SLC38A10: variants seen among roughly 807,000 people sequenced by gnomAD.
The protein encoded by SLC38A10 is solute carrier family 38 member 10.
Under a neutral mutation model 81.0 loss-of-function variants are expected in SLC38A10, and 53 were observed. The ratio of observed to expected loss-of-function variants is 0.65; its 90% CI spans 0.53 to 0.82. The LOEUF is 0.82. Ranked by LOEUF, SLC38A10 falls within the 40% of genes least tolerant of loss-of-function variation. SLC38A10 has a pLI of 0.00. For synonymous variants in SLC38A10, 665 were observed against 655.3 expected, an observed-to-expected ratio of 1.01 and a Z score of -0.23; for missense variants, 1,471 against 1,545.0, an observed-to-expected ratio of 0.95 and a Z score of 0.80.
Position 81,284,789 on chromosome 17 carries a change from A to C in SLC38A10, c.263+61T>G, listed in dbSNP as rs551727473. The C allele has an allele frequency of 2.2e-5, 25 of 1,158,736 alleles. No individual in the cohort carries two copies. The South Asian group carries it at 3.4e-4, about 16-fold the overall frequency. 71.8% of individuals were successfully genotyped at this position (1,158,736 alleles called of 1,614,324 possible). Reference sequence around the variant, plus strand: ...GGATGAAACTGCCGCTCCCACCGGGAGGGTCCCCAGTGTCTGGGTGCGGGG... The same window carrying C: ...GGATGAAACTGCCGCTCCCACCGGGCGGGTCCCCAGTGTCTGGGTGCGGGG... On this transcript the variant is annotated intron_variant, in intron 3 of 15. Transcript: ENST00000374759.
intron 13 of SLC38A10, 27 bp downstream of exon 13, chr17:81,252,168 C>T: frequency 6.7e-7 from 1 of 1,494,512 alleles, no homozygotes; most frequent in Non-Finnish European, 8.9e-7. Context: ...GGAGTGTCTT[C>T]CGACACGAGC....
rs117908310 is a variant in SLC38A10, at chr17:81,273,063, A to G, written c.913-436T>C. ...TCAGGGTGCAGGCAGAACCCCCCCA[A>G]ACACACGCACACATGGCCGTGTTAT... On this transcript the variant is annotated intron_variant, in intron 8 of 15. Transcript: ENST00000374759. Among the ~76,000 whole-genome samples the G allele has an allele frequency of 1.6e-3, 236 of 152,238 alleles. 4 individuals carry two copies. The East Asian group carries it at 0.035, about 22-fold the overall frequency.
At chr17:81,271,481 C>T (rs757892037) in intron 9 of SLC38A10, among the ~76,000 whole-genome samples, 45 of 152,158 alleles carry the variant, frequency 3.0e-4, no homozygotes, top group Non-Finnish European at 5.4e-4. Context: ...AGAGTGCGTG[C>T]GAGTTCCCCT....
At position 81,245,932 on chromosome 17, in the gene SLC38A10, G is replaced by A; in HGVS notation, c.2984C>T (p.Pro995Leu). The part of the protein sequence containing the change: ...MRKARGGDHV[P>L]VSHEQPRGGE... Reference sequence around the variant, plus strand: ...GCCTCTCGGCTGCTCGTGGGACACAGGCACATGGTCCCCCCCGCGGGCCTT... The same window carrying A: ...GCCTCTCGGCTGCTCGTGGGACACAAGCACATGGTCCCCCCCGCGGGCCTT... Residue 995 changes from proline (P) to leucine (L), a missense_variant, in exon 16 of 16, where the codon CCT (proline) becomes CTT (leucine). By Grantham distance (98) the Pro-to-Leu change is moderately conservative (BLOSUM62 -3). This residue lies in a region of SLC38A10 where 751 missense variants were observed against 717.4 expected (regional missense o/e 1.05). Transcript: ENST00000374759. 1 of 1,609,990 alleles carries A rather than the reference G, an allele frequency of 6.2e-7. No homozygotes were observed.
At position 81,260,259 on chromosome 17, in the gene SLC38A10, C is replaced by T. The variant is rs79725019; in HGVS notation, c.1267G>A (p.Val423Met). Reference sequence around the variant, plus strand: ...ATACCTGAGAGCCGCGCTGCCTCCACCTTCATCAAACCCTCGGCCTCTCCA... The same window carrying T: ...ATACCTGAGAGCCGCGCTGCCTCCATCTTCATCAAACCCTCGGCCTCTCCA... ...RLGEAEGLMK[V>M]EAARLSAQDP... The change falls in exon 11 of 16, where the codon GTG becomes ATG. Residue 423 changes from valine (V) to methionine (M), a missense_variant. Physicochemically the swap from Val to Met is conservative, Grantham distance 21. Transcript: ENST00000374759. The T allele has an allele frequency of 1.3e-3, 2,096 of 1,605,438 alleles. 32 individuals are homozygous for T. In the African/African-American group the frequency reaches 0.025, roughly 19 times the overall value.
In SLC38A10 at chr17:81,265,128, C is replaced by A. The variant is rs147373610; in HGVS notation, c.1132-4734G>T. The stretch of plus-strand genomic sequence containing the variant: ...GGGCGTGGTGGCTCACACCTATAAT[C>A]CCAGCACTTTGGGAGGCCAAGGCGA... On this transcript the variant is annotated intron_variant, in intron 10 of 15. Transcript: ENST00000374759. The surrounding 1 kb of genome is among the most constrained non-coding windows in gnomAD (Gnocchi z 4.2). 6.6e-6 allele frequency: 1 copy of A among 152,362 alleles called. No individual in the cohort carries two copies. Among genetic ancestry groups the A allele is most frequent in the Non-Finnish European group, 1.5e-5 (1 of 68,142 alleles). 9.4% of individuals were successfully genotyped at this position (152,362 alleles called of 1,614,324 possible). A position where few individuals can be genotyped will look rare whatever the true frequency, so the allele number is the denominator to read the frequency against.
intron 13 of SLC38A10, 49 bp from the exon 14 acceptor site, chr17:81,251,661 G>C: frequency 2.1e-6 from 3 of 1,456,684 alleles, no homozygotes; most frequent in Non-Finnish European, 2.7e-6. Flanking sequence ...AGTCAAGGGA[G>C]GGTTTGGGGG....
Position 81,283,883 on chromosome 17 carries a change from T to C in SLC38A10, c.264-381A>G, listed in dbSNP as rs2063239336. On this transcript the variant is annotated intron_variant, in intron 3 of 15. Transcript: ENST00000374759. This position sits in a 1 kb window ranked among gnomAD's most constrained non-coding sequence, Gnocchi z 4.7. ...CCTCAGCCTCCCAAAGTGCTGGGATTACAGGCGTGAGCCACTGTGCCTGGC... is the reference window on the plus strand; with the variant it reads ...CCTCAGCCTCCCAAAGTGCTGGGATCACAGGCGTGAGCCACTGTGCCTGGC... 6.6e-6 allele frequency among the ~76,000 whole-genome samples: 1 copy of C among 150,954 alleles called. No individual in the cohort carries two copies. Among genetic ancestry groups the C allele is most frequent in the African/African-American group, 2.4e-5 (1 of 41,108 alleles).
chr17:81,247,104 T>A, intron 14 of SLC38A10, 43 bp from the exon 15 acceptor site: 1 of 1,540,042 alleles, frequency 6.5e-7, no homozygotes. Context: ...GGGCTGCTCA[T>A]GCACCGTGCT....
chr17:81,250,554 G>A (rs753156835), intron 14 of SLC38A10, among the ~76,000 whole-genome samples: 20 of 152,354 alleles, frequency 1.3e-4, no homozygotes, highest in African/African-American at 4.1e-4. Context: ...AGGCTGGAGC[G>A]GCTGTGCCCT....
intron 11 of SLC38A10, among the ~76,000 whole-genome samples, chr17:81,258,394 C>T (rs368032976): frequency 2.6e-5 from 4 of 152,260 alleles, no homozygotes; most frequent in East Asian, 1.9e-4. Flanking sequence ...GTTACAGCCT[C>T]GTGGAAGAAA....
rs188384145 is a variant in SLC38A10 at position 81,281,729 on chromosome 17, T to C, written c.501+460A>G. 2.7e-3 allele frequency among the ~76,000 whole-genome samples: 406 copies of C among 152,138 alleles called. 3 individuals are homozygous for C. Among genetic ancestry groups the C allele is most frequent in the African/African-American group, 9.1e-3 (378 of 41,478 alleles). ...AGATGGAGGTTGCAGTGAGCCGAGA[T>C]TGCGCCACTGCACTCCAGCCTGGGC... On this transcript the variant is annotated intron_variant, in intron 5 of 15. Transcript: ENST00000374759. This position sits in a 1 kb window ranked among gnomAD's most constrained non-coding sequence, Gnocchi z 5.3.
chr17:81,290,750 G>T (rs537125792), intron 1 of SLC38A10, among the ~76,000 whole-genome samples: 1 of 152,304 alleles, frequency 6.6e-6, no homozygotes, highest in East Asian at 1.9e-4. Flanking sequence ...GCTCACACCT[G>T]TAATCCCAGC....
At chr17:81,266,660 G>A (rs180945047) in intron 10 of SLC38A10, among the ~76,000 whole-genome samples, 5 of 151,994 alleles carry the variant, frequency 3.3e-5, no homozygotes, top group East Asian at 1.9e-4. Context: ...AAAATCCAGC[G>A]GGAAAAGAGA....
At chr17:81,250,812 A>G (rs2062903228) in intron 14 of SLC38A10, 1 of 1,000,988 alleles carries the variant, frequency 1.0e-6, no homozygotes, top group Non-Finnish European at 1.2e-6. Flanking sequence ...ACCCAACTGC[A>G]TGAGGCCACA....
At chr17:81,285,627 G>T (rs986478005) in intron 2 of SLC38A10, 1 of 152,154 alleles carries the variant, frequency 6.6e-6, no homozygotes, top group African/African-American at 2.4e-5. Flanking sequence ...CGGTCATCTG[G>T]TGACCCCCGC....
chr17:81,254,738 G>T lies in SLC38A10; in HGVS notation c.1289-1498C>A, dbSNP rs181881072. 2.0e-3 allele frequency among the ~76,000 whole-genome samples: 305 copies of T among 152,306 alleles called. 5 individuals are homozygous for T. Among genetic ancestry groups the T allele is most frequent in the Non-Finnish European group, 3.4e-4 (23 of 68,028 alleles). ...TGGGATTACATGCGTGAGCCACCGCGCCTGGCCCAAGTGACCAATTCTATA... is the reference window on the plus strand; with the variant it reads ...TGGGATTACATGCGTGAGCCACCGCTCCTGGCCCAAGTGACCAATTCTATA... On this transcript the variant is annotated intron_variant, in intron 11 of 15. Coordinates refer to ENST00000374759, the MANE Select transcript of SLC38A10 (RefSeq NM_001037984.3).
At chr17:81,256,924 C>T (rs779587346) in intron 11 of SLC38A10, among the ~76,000 whole-genome samples, 16 of 152,310 alleles carry the variant, frequency 1.1e-4, no homozygotes, top group Admixed American at 8.5e-4. Context: ...CTCCGGCAGG[C>T]GGAACCTCCT....
Position 81,253,118 on chromosome 17 carries a change from C to T in SLC38A10, c.1411G>A (p.Gly471Ser), listed in dbSNP as rs2062935389. ...GPVDVPGRED[G>S]KEAPEEAQLD... ...TGTGCCTCCTCCGGTGCCTCCTTGC[C>T]ATCTTCCCGTCCAGGCACATCCACG... The change falls in exon 12 of 16, where the codon GGC becomes AGC. Residue 471 changes from glycine to serine, a missense_variant. Physicochemically the swap from Gly to Ser is moderately conservative, Grantham distance 56. Around this residue, in one of 2 missense-constraint regions of SLC38A10, gnomAD observed 720 missense variants for 827.7 expected, o/e 0.87. Transcript: ENST00000374759. This position sits in a 1 kb window ranked among gnomAD's most constrained non-coding sequence, Gnocchi z 4.1. 1 of 1,613,774 alleles carries T rather than the reference C, an allele frequency of 6.2e-7. No homozygotes were observed. Among genetic ancestry groups the T allele is most frequent in the South Asian group, 1.1e-5 (1 of 91,088 alleles).
Sources: gnomAD v4.1 joint callset for allele counts (sites outside exome capture counted in the v4.1 genomes callset) on GRCh38, gnomAD v4.1.1 for gene constraint, gnomAD v4.1.1 regional missense constraint, Gnocchi (gnomAD v3.1) non-coding constraint, MANE v1.5 for transcripts, NCBI Gene and HGNC (gene_info 2026-07-23, HGNC 2026-07-21) for gene names.